Variants in UBE2E2 observed in about 807,000 individuals in gnomAD.
The protein encoded by UBE2E2 is ubiquitin-conjugating enzyme E2 E2.
UBE2E2 carries 6 observed loss-of-function variants against 24.7 expected under a neutral mutation model. That is an observed-to-expected ratio of 0.24 (90% CI 0.13 to 0.48). UBE2E2 has a LOEUF of 0.48. Ranked by LOEUF, UBE2E2 falls within the 20% of genes least tolerant of loss-of-function variation. The pLI is 0.99. For missense variants in UBE2E2, 169 were observed against 245.0 expected (o/e 0.69, Z 2.07); for synonymous variants, 104 against 83.6 (o/e 1.24, Z -1.33).
intron 5 of UBE2E2, among the ~76,000 whole-genome samples, chr3:23,571,249 T>C (rs947156890): frequency 6.8e-6 from 1 of 147,564 alleles, no homozygotes; most frequent in Non-Finnish European, 1.5e-5. Context: ...ATCTCTTTGC[T>C]ATCAGAGTCC....
intron 3 of UBE2E2, among the ~76,000 whole-genome samples, chr3:23,257,815 G>C (rs949664956): frequency 1.3e-5 from 2 of 151,740 alleles, no homozygotes; most frequent in Non-Finnish European, 2.9e-5. Flanking sequence ...GCTGGCATTT[G>C]CTTTACTCTC....
At chr3:23,349,826 C>G (rs188975422) in intron 3 of UBE2E2, among the ~76,000 whole-genome samples, 36 of 152,362 alleles carry the variant, frequency 2.4e-4, no homozygotes, top group African/African-American at 8.2e-4. Flanking sequence ...AACAAAAAGA[C>G]AGCAGTAACC....
At chr3:23,243,177 A>G (rs1697302107) in intron 3 of UBE2E2, among the ~76,000 whole-genome samples, 1 of 152,204 alleles carries the variant, frequency 6.6e-6, no homozygotes, top group African/African-American at 2.4e-5. Flanking sequence ...AAAGGAAACT[A>G]CAAAGAAAAT....
intron 3 of UBE2E2, among the ~76,000 whole-genome samples, chr3:23,284,752 G>A (rs1289692485): frequency 6.6e-6 from 1 of 151,340 alleles, no homozygotes; most frequent in Non-Finnish European, 1.5e-5. Flanking sequence ...TAAGATATAG[G>A]TACACAATGT....
At chr3:23,308,141 A>C (rs1699284763) in intron 3 of UBE2E2, among the ~76,000 whole-genome samples, 1 of 152,210 alleles carries the variant, frequency 6.6e-6, no homozygotes, top group Admixed American at 6.5e-5. Context: ...TAGCTCCATT[A>C]CCTTTTAACC....
intron 3 of UBE2E2, among the ~76,000 whole-genome samples, chr3:23,381,611 C>G (rs1696673331): frequency 1.3e-5 from 2 of 152,152 alleles, no homozygotes; most frequent in Admixed American, 1.3e-4. Flanking sequence ...TGGAGCATCA[C>G]TTATCCCCCT....
chr3:23,429,254 T>C (rs572293966), intron 3 of UBE2E2, among the ~76,000 whole-genome samples: 3 of 152,174 alleles, frequency 2.0e-5, no homozygotes, highest in Non-Finnish European at 2.9e-5. Context: ...TTCTAGAAGA[T>C]AGAAGCAGAG....
chr3:23,228,556 C>A (rs1495134), intron 3 of UBE2E2, among the ~76,000 whole-genome samples: 40,080 of 151,992 alleles, frequency 0.26, 5,644 homozygotes, highest in Non-Finnish European at 0.32. Flanking sequence ...CGTTGATTTA[C>A]AATTAATCAA....
intron 3 of UBE2E2, among the ~76,000 whole-genome samples, chr3:23,409,903 G>T (rs1697459310): frequency 6.6e-6 from 1 of 152,102 alleles, no homozygotes; most frequent in South Asian, 2.1e-4. Flanking sequence ...TGTGCTGTGT[G>T]TCTCTGATTC....
chr3:23,585,309 T>G (rs1444297944), intron 5 of UBE2E2, among the ~76,000 whole-genome samples: 1 of 146,880 alleles, frequency 6.8e-6, no homozygotes, highest in Non-Finnish European at 1.5e-5. Context: ...GGGTCAAGGC[T>G]GCAGTGAGCT....
chr3:23,245,742 G>A (rs147653868), intron 3 of UBE2E2, among the ~76,000 whole-genome samples: 1 of 152,126 alleles, frequency 6.6e-6, no homozygotes, highest in Non-Finnish European at 1.5e-5. Flanking sequence ...CATCATATCT[G>A]TTATCTTAGC....
intron 5 of UBE2E2, among the ~76,000 whole-genome samples, chr3:23,533,512 G>T (rs1356687403): frequency 1.3e-5 from 2 of 151,626 alleles, no homozygotes; most frequent in Non-Finnish European, 2.9e-5. Flanking sequence ...CAGTGGGGTT[G>T]CTTAGGATCC....
At chr3:23,585,271 T>C (rs971816579) in intron 5 of UBE2E2, among the ~76,000 whole-genome samples, 1 of 151,302 alleles carries the variant, frequency 6.6e-6, no homozygotes, top group South Asian at 2.1e-4. Context: ...ACTCAAGAAG[T>C]TGAGGCAGGA....
At chr3:23,554,974 T>C (rs1575703773) in intron 5 of UBE2E2, among the ~76,000 whole-genome samples, 1 of 151,946 alleles carries the variant, frequency 6.6e-6, no homozygotes, top group Non-Finnish European at 1.5e-5. Context: ...TGGAGTACAG[T>C]GATGTGATCT....
intron 4 of UBE2E2, among the ~76,000 whole-genome samples, chr3:23,510,250 G>A (rs529880031): frequency 6.6e-6 from 1 of 152,294 alleles, no homozygotes; most frequent in East Asian, 1.9e-4. Context: ...GTGTGGTGCA[G>A]GTCTTGTCCT....
chr3:23,558,888 C>G (rs1156925852), intron 5 of UBE2E2, among the ~76,000 whole-genome samples: 1 of 152,096 alleles, frequency 6.6e-6, no homozygotes, highest in Admixed American at 6.6e-5. Context: ...TAGCAAGACC[C>G]CATTTCTTTT....
At chr3:23,356,269 G>GTAACC (rs1227167202) in intron 3 of UBE2E2, among the ~76,000 whole-genome samples, 14 of 152,190 alleles carry the variant, frequency 9.2e-5, no homozygotes, top group African/African-American at 3.4e-4. Context: ...AAGCCAGACA[G>GTAACC]TAACCTACAG....
chr3:23,543,559 A>T (rs894472576), intron 5 of UBE2E2, among the ~76,000 whole-genome samples: 1 of 143,560 alleles, frequency 7.0e-6, no homozygotes, highest in Admixed American at 6.8e-5. Context: ...AAAAAAAAAA[A>T]ATAATAATAG....
intron 3 of UBE2E2, among the ~76,000 whole-genome samples, chr3:23,286,207 A>G (rs1324517669): frequency 3.3e-5 from 5 of 151,926 alleles, no homozygotes; most frequent in Non-Finnish European, 7.4e-5. Context: ...TTTTTGCTTT[A>G]GTTTCTTATG....
Sources: allele counts gnomAD v4.1 joint callset (sites outside exome capture counted in the v4.1 genomes callset), GRCh38; gene constraint gnomAD v4.1.1; transcripts MANE v1.5; gene names NCBI Gene and HGNC (gene_info 2026-07-23, HGNC 2026-07-21).